The following FSTL5 variants were observed in gnomAD, a reference collection of about 807,000 sequenced individuals.
The protein encoded by FSTL5 is follistatin like 5, also known as follistatin-related protein 5.
In FSTL5, 62 loss-of-function variants were observed where a neutral mutation model predicts 89.1. The observed-to-expected ratio is 0.70, with a 90% CI of 0.57 to 0.86. FSTL5 has a LOEUF of 0.86. FSTL5 is among the 40% of genes least tolerant of loss of function. The pLI is 0.00. For synonymous variants in FSTL5, 383 were observed against 346.2 expected, an observed-to-expected ratio of 1.11 and a Z score of -1.18; for missense variants, 1,057 against 1,001.6, an observed-to-expected ratio of 1.06 and a Z score of -0.75.
At chr4:161,437,998 G>A (rs1732630678) in intron 15 of FSTL5, among the ~76,000 whole-genome samples, 1 of 152,192 alleles carries the variant, frequency 6.6e-6, no homozygotes, top group Admixed American at 6.5e-5. Context: ...GTTGGCGGAG[G>A]ATTAATGGTC....
At chr4:162,069,212 C>A (rs530308919) in intron 2 of FSTL5, among the ~76,000 whole-genome samples, 1 of 152,094 alleles carries the variant, frequency 6.6e-6, no homozygotes, top group East Asian at 1.9e-4. Flanking sequence ...CTCATTAAAG[C>A]ATCTTCCCTT....
chr4:161,766,925 T>C (rs1741028843), intron 5 of FSTL5, among the ~76,000 whole-genome samples: 2 of 151,668 alleles, frequency 1.3e-5, no homozygotes, highest in African/African-American at 2.4e-5. Flanking sequence ...GATAGATAGA[T>C]AGATAGATAG....
chr4:162,106,308 T>C (rs1359764691), intron 2 of FSTL5, among the ~76,000 whole-genome samples: 2 of 152,166 alleles, frequency 1.3e-5, no homozygotes, highest in Non-Finnish European at 2.9e-5. Context: ...TTAAGGACTT[T>C]AAGTGGTCCC....
intron 6 of FSTL5, among the ~76,000 whole-genome samples, chr4:161,693,273 G>A (rs1025966541): frequency 3.9e-5 from 6 of 152,084 alleles, no homozygotes; most frequent in Non-Finnish European, 5.9e-5. Flanking sequence ...CTGTTCTTTT[G>A]ATATCTTTAT....
At chr4:161,406,015 C>T (rs1193572710) in intron 15 of FSTL5, among the ~76,000 whole-genome samples, 3 of 152,064 alleles carry the variant, frequency 2.0e-5, no homozygotes, top group Admixed American at 2.0e-4. Flanking sequence ...AGACTTACCA[C>T]ATAAGAAATT....
intron 6 of FSTL5, among the ~76,000 whole-genome samples, chr4:161,752,797 A>G (rs1246585977): frequency 6.6e-6 from 1 of 152,166 alleles, no homozygotes; most frequent in Non-Finnish European, 1.5e-5. Context: ...GGCCTAAAAT[A>G]ACGTTAAGGT....
chr4:161,625,168 T>TTA (rs1735271589), intron 7 of FSTL5, among the ~76,000 whole-genome samples: 1 of 152,122 alleles, frequency 6.6e-6, no homozygotes, highest in Non-Finnish European at 1.5e-5. Flanking sequence ...ATTAACAATG[T>TTA]TTCTATAGGT....
intron 2 of FSTL5, among the ~76,000 whole-genome samples, chr4:162,103,665 C>T (rs1296798908): frequency 6.6e-6 from 1 of 152,136 alleles, no homozygotes; most frequent in Non-Finnish European, 1.5e-5. Context: ...ATTGTATCTC[C>T]ATTTAGAACA....
chr4:161,775,238 A>T (rs1177711283), intron 5 of FSTL5, among the ~76,000 whole-genome samples: 1 of 152,172 alleles, frequency 6.6e-6, no homozygotes, highest in African/African-American at 2.4e-5. Flanking sequence ...TATAGGGATC[A>T]TCAAGAAGTC....
At chr4:162,066,311 C>CTTCTTCTTCTT (rs759396784) in intron 2 of FSTL5, among the ~76,000 whole-genome samples, 3 of 39,820 alleles carry the variant, frequency 7.5e-5, no homozygotes, top group African/African-American at 3.0e-4. Context: ...TCTTCTTCTT[C>CTTCTTCTTCTT]TTCTTCTTCT....
At chr4:161,403,801 C>T (rs552383099) in intron 15 of FSTL5, among the ~76,000 whole-genome samples, 7 of 152,164 alleles carry the variant, frequency 4.6e-5, no homozygotes, top group South Asian at 2.1e-4. Context: ...TGGTAGTGAA[C>T]GTCAAAGGTC....
intron 15 of FSTL5, among the ~76,000 whole-genome samples, chr4:161,451,838 C>T (rs1282007452): frequency 6.6e-6 from 1 of 152,146 alleles, no homozygotes; most frequent in Non-Finnish European, 1.5e-5. Context: ...CACTTTCTTC[C>T]TTCTTTACTT....
intron 1 of FSTL5, among the ~76,000 whole-genome samples, chr4:162,119,521 A>C (rs532915346): frequency 6.6e-6 from 1 of 152,352 alleles, no homozygotes; most frequent in African/African-American, 2.4e-5. Context: ...TTTTTTACAG[A>C]GGATTTTATG....
At position 161,473,762 on chromosome 4, in the gene FSTL5, T is replaced by C. The variant is rs942226501; in HGVS notation, c.1608+7258A>G. ...GACTTTTTAAGTCTATGGAGACATA[T>C]ATTAGTATAGTTACCTCTCCGTTTT... On this transcript the variant is annotated intron_variant, in intron 13 of 15. Coordinates refer to ENST00000306100, the MANE Select transcript of FSTL5 (RefSeq NM_020116.5). Among the ~76,000 whole-genome samples, 5 of 152,176 alleles carry C rather than the reference T, an allele frequency of 3.3e-5. 1 individual carries two copies. In the South Asian group the frequency reaches 1.0e-3, roughly 32 times the overall value.
In FSTL5 at chr4:161,567,962, A is replaced by C. The variant is rs182680985; in HGVS notation, c.1015+19493T>G. ...TGGTGTGTTTTTAGAAAGATTGAGC[A>C]CATGGAACTCATCCTTTCTCATGTG... On this transcript the variant is annotated intron_variant, in intron 8 of 15. Coordinates refer to ENST00000306100, the MANE Select transcript of FSTL5 (RefSeq NM_020116.5). 1.4e-3 allele frequency among the ~76,000 whole-genome samples: 211 copies of C among 152,150 alleles called. 1 individual carries two copies. Among genetic ancestry groups the C allele is most frequent in the African/African-American group, 4.8e-3 (200 of 41,502 alleles).
intron 12 of FSTL5, among the ~76,000 whole-genome samples, chr4:161,490,980 T>C (rs186465126): frequency 4.1e-4 from 62 of 152,206 alleles, no homozygotes; most frequent in African/African-American, 1.4e-3. Context: ...TTAAAGACTT[T>C]AGCTCTGTAC....
chr4:161,651,474 A>T (rs751627000), intron 7 of FSTL5, among the ~76,000 whole-genome samples: 2 of 152,006 alleles, frequency 1.3e-5, no homozygotes, highest in Non-Finnish European at 2.9e-5. Context: ...CTATTTTTTT[A>T]GGTAGGTTCA....
At chr4:161,410,272 TAA>T in intron 15 of FSTL5, among the ~76,000 whole-genome samples, 1 of 152,206 alleles carries the variant, frequency 6.6e-6, no homozygotes, top group Non-Finnish European at 1.5e-5. Flanking sequence ...AACCACATGA[TAA>T]GAGTGAGAGA....
intron 6 of FSTL5, among the ~76,000 whole-genome samples, chr4:161,675,939 G>C (rs929302403): frequency 7.9e-5 from 12 of 151,978 alleles, no homozygotes; most frequent in African/African-American, 2.4e-4. Flanking sequence ...TTGCAATGTG[G>C]CATATTACCC....
Sources: gnomAD v4.1 joint callset for allele counts (sites outside exome capture counted in the v4.1 genomes callset) on GRCh38, gnomAD v4.1.1 for gene constraint, MANE v1.5 for transcripts, NCBI Gene and HGNC (gene_info 2026-07-23, HGNC 2026-07-21) for gene names.